The following PTPRT variants were observed in gnomAD, a reference collection of about 807,000 sequenced individuals.
The protein encoded by PTPRT is protein tyrosine phosphatase receptor type T.
Under a neutral mutation model 176.8 loss-of-function variants are expected in PTPRT, and 56 were observed. That is an observed-to-expected ratio of 0.32 (90% CI 0.26 to 0.40). The LOEUF (loss-of-function observed/expected upper bound fraction) is 0.40, where lower values mean the gene tolerates loss of function less well. PTPRT is among the 10% of genes least tolerant of loss of function. The pLI is 1.00. For missense variants in PTPRT, 1,540 were observed against 1,908.2 expected (o/e 0.81, Z 3.60); for synonymous variants, 783 against 739.0 (o/e 1.06, Z -0.96).
At chr20:42,861,646 CA>C (rs1468483465) in intron 2 of PTPRT, among the ~76,000 whole-genome samples, 1 of 151,342 alleles carries the variant, frequency 6.6e-6, no homozygotes, top group Non-Finnish European at 1.5e-5. Context: ...AATAAAATGC[CA>C]AATATTATGA....
chr20:42,501,102 G>A (rs908197182), intron 7 of PTPRT, among the ~76,000 whole-genome samples: 3 of 151,978 alleles, frequency 2.0e-5, no homozygotes, highest in Non-Finnish European at 2.9e-5. Context: ...ACCCCATCAC[G>A]CCTTTCCCCG....
intron 1 of PTPRT, among the ~76,000 whole-genome samples, chr20:43,070,194 C>T (rs1387538060): frequency 1.3e-5 from 2 of 152,138 alleles, no homozygotes; most frequent in Non-Finnish European, 2.9e-5. Flanking sequence ...ATAGTCTTGA[C>T]CAGCAGGTGA....
At position 43,019,683 on chromosome 20, in the gene PTPRT, G is replaced by C. The variant is rs111648687; in HGVS notation, c.89-133751C>G. 8.5e-3 allele frequency among the ~76,000 whole-genome samples: 1,287 copies of C among 151,316 alleles called. 15 individuals carry two copies. Among genetic ancestry groups the C allele is most frequent in the African/African-American group, 0.027 (1,125 of 41,160 alleles). Reference sequence around the variant, plus strand: ...TGTGTCTGTGAGAATATTTCCAGGAGAGACTGATGTGTGAGTCCATGGACT... The same window carrying C: ...TGTGTCTGTGAGAATATTTCCAGGACAGACTGATGTGTGAGTCCATGGACT... On this transcript the variant is annotated intron_variant, in intron 1 of 30. Transcript: ENST00000373187.
intron 27 of PTPRT, among the ~76,000 whole-genome samples, chr20:42,098,215 G>C (rs1201297769): frequency 6.6e-6 from 1 of 150,960 alleles, no homozygotes; most frequent in Non-Finnish European, 1.5e-5. Flanking sequence ...CCATAGGCAG[G>C]GGGAGTCTTT....
rs1392850513 is a variant in PTPRT, at chr20:42,587,878, G to A, written c.1153+89988C>T. Among the ~76,000 whole-genome samples the A allele has an allele frequency of 9.2e-5, 14 of 152,264 alleles. No homozygotes were observed. In the East Asian group the frequency reaches 2.7e-3, roughly 29 times the overall value. Reference sequence around the variant, plus strand: ...AAATTCTGCCACTGTTTAGCTGGGTGACTTTGGGCAAATTACTTCTAGTCC... The same window carrying A: ...AAATTCTGCCACTGTTTAGCTGGGTAACTTTGGGCAAATTACTTCTAGTCC... On this transcript the variant is annotated intron_variant, in intron 7 of 30. Transcript: ENST00000373187.
chr20:42,435,894 A>G lies in PTPRT; in HGVS notation c.1560+12326T>C, dbSNP rs932107977. Among the ~76,000 whole-genome samples the G allele has an allele frequency of 1.3e-4, 20 of 152,298 alleles. 2 individuals carry two copies. Among genetic ancestry groups the G allele is most frequent in the Admixed American group, 9.8e-4 (15 of 15,298 alleles). ...ACACTGTGAAGCTGTAATAAATATG[A>G]CTATGCATGGTTACAGTGCATGGAG... On this transcript the variant is annotated intron_variant, in intron 9 of 30. Coordinates refer to ENST00000373187, the MANE Select transcript of PTPRT (RefSeq NM_007050.6).
chr20:42,721,424 G>A (rs1053987955), intron 6 of PTPRT, among the ~76,000 whole-genome samples: 1 of 152,154 alleles, frequency 6.6e-6, no homozygotes, highest in Non-Finnish European at 1.5e-5. Context: ...GTGGGTGGAT[G>A]GAAGCGTGGT....
chr20:42,947,513 A>C (rs1980957535), intron 1 of PTPRT, among the ~76,000 whole-genome samples: 1 of 152,214 alleles, frequency 6.6e-6, no homozygotes, highest in Non-Finnish European at 1.5e-5. Context: ...CAAATAGACA[A>C]GGAGAGAGGT....
At chr20:43,022,833 G>A (rs537398987) in intron 1 of PTPRT, among the ~76,000 whole-genome samples, 1 of 152,332 alleles carries the variant, frequency 6.6e-6, no homozygotes, top group South Asian at 2.1e-4. Context: ...TGCAGACTTT[G>A]TCTTCCACCT....
chr20:42,572,919 T>G (rs995463486), intron 7 of PTPRT, among the ~76,000 whole-genome samples: 4 of 138,186 alleles, frequency 2.9e-5, no homozygotes, highest in South Asian at 2.2e-4. Context: ...GAGATAAGTT[T>G]TTGTTTTTTT....
intron 1 of PTPRT, among the ~76,000 whole-genome samples, chr20:42,988,947 C>T (rs1983746042): frequency 6.6e-6 from 1 of 152,214 alleles, no homozygotes; most frequent in Non-Finnish European, 1.5e-5. Context: ...TGCTTTATCC[C>T]TAATGCTTGC....
chr20:43,083,391 C>A (rs1264985601), intron 1 of PTPRT, among the ~76,000 whole-genome samples: 1 of 105,750 alleles, frequency 9.5e-6, no homozygotes, highest in Non-Finnish European at 2.0e-5. Flanking sequence ...GACAGAGTCT[C>A]GCTCTGTGGC....
intron 1 of PTPRT, among the ~76,000 whole-genome samples, chr20:43,080,043 C>T (rs1428234177): frequency 1.3e-5 from 2 of 152,106 alleles, no homozygotes; most frequent in African/African-American, 2.4e-5. Flanking sequence ...TATTATTGTT[C>T]TCAATTATTT....
chr20:42,250,598 G>A (rs2056535449), intron 13 of PTPRT, among the ~76,000 whole-genome samples: 1 of 152,130 alleles, frequency 6.6e-6, no homozygotes, highest in East Asian at 1.9e-4. Flanking sequence ...AGTCTCTCTA[G>A]TGAGAATGGT....
chr20:42,050,410 T>C, the PTPRT span, among the ~76,000 whole-genome samples: 2 of 152,132 alleles, frequency 1.3e-5, no homozygotes, highest in Non-Finnish European at 2.9e-5. Context: ...TTGCCCAAGG[T>C]CACACAGCTT....
At chr20:42,831,129 T>C (rs774358102) in intron 2 of PTPRT, among the ~76,000 whole-genome samples, 10 of 152,158 alleles carry the variant, frequency 6.6e-5, no homozygotes, top group Non-Finnish European at 1.2e-4. Context: ...CTTCAAACCA[T>C]ACTACAGGGC....
chr20:43,008,858 C>T (rs1208865083), intron 1 of PTPRT, among the ~76,000 whole-genome samples: 2 of 152,214 alleles, frequency 1.3e-5, no homozygotes, highest in Non-Finnish European at 2.9e-5. Flanking sequence ...ACCACTCATG[C>T]TGCCTTCCAT....
At chr20:42,359,740 C>T (rs2145558535) in intron 9 of PTPRT, among the ~76,000 whole-genome samples, 1 of 152,368 alleles carries the variant, frequency 6.6e-6, no homozygotes, top group Admixed American at 6.5e-5. Flanking sequence ...CAAAGCCAAG[C>T]TTCAGGGTCA....
At chr20:43,147,589 A>G (rs2014208206) in intron 1 of PTPRT, among the ~76,000 whole-genome samples, 1 of 152,218 alleles carries the variant, frequency 6.6e-6, no homozygotes, top group African/African-American at 2.4e-5. Context: ...GTAAAATTCA[A>G]TAACACATCC....
Sources: allele counts gnomAD v4.1 joint callset (sites outside exome capture counted in the v4.1 genomes callset), GRCh38; gene constraint gnomAD v4.1.1; transcripts MANE v1.5; gene names NCBI Gene and HGNC (gene_info 2026-07-23, HGNC 2026-07-21).